VRK3: variants seen among roughly 807,000 people sequenced by gnomAD.
VRK3 encodes the protein VRK serine/threonine kinase 3.
VRK3 carries 50 observed loss-of-function variants against 60.4 expected under a neutral mutation model. That is an observed-to-expected ratio of 0.83 (90% CI 0.66 to 1.05). The LOEUF is 1.05. VRK3 is among the 50% of genes least tolerant of loss of function. VRK3 has a pLI of 0.00. For missense variants in VRK3, 549 were observed against 585.3 expected (o/e 0.94, Z 0.64); for synonymous variants, 246 against 227.8 (o/e 1.08, Z -0.72).
chr19:50,008,943 A>G, intron 4 of VRK3: 1 of 337,782 alleles, frequency 3.0e-6, no homozygotes, highest in Non-Finnish European at 5.5e-6. Flanking sequence ...CTAAAGCAGG[A>G]ACCAGGCCAC....
intron 2 of VRK3, among the ~76,000 whole-genome samples, chr19:50,018,763 T>C (rs570836756): frequency 6.6e-6 from 1 of 152,020 alleles, no homozygotes; most frequent in East Asian, 1.9e-4. Flanking sequence ...TCACTGCCTC[T>C]TCCCTCTCTG....
intron 9 of VRK3, among the ~76,000 whole-genome samples, chr19:49,994,266 C>T (rs745952): frequency 0.13 from 19,316 of 152,198 alleles, 1,399 homozygotes; most frequent in East Asian, 0.34. Context: ...CTATTGGCCC[C>T]TCCCACTAGA....
intron 12 of VRK3, among the ~76,000 whole-genome samples, chr19:49,982,754 C>T (rs1210142166): frequency 6.6e-6 from 1 of 152,148 alleles, no homozygotes; most frequent in Admixed American, 6.5e-5. Flanking sequence ...TATGTACATA[C>T]ACACACATAC....
intron 10 of VRK3, 56 bp from the exon 11 acceptor site, chr19:49,989,827 GAT>G: frequency 6.6e-7 from 1 of 1,516,520 alleles, no homozygotes; most frequent in Non-Finnish European, 8.9e-7. Flanking sequence ...AGAAGTCAGA[GAT>G]TTCCATCGTG....
chr19:50,003,283 T>C (rs2076839176), intron 5 of VRK3, among the ~76,000 whole-genome samples: 1 of 152,218 alleles, frequency 6.6e-6, no homozygotes, highest in Non-Finnish European at 1.5e-5. Flanking sequence ...CCAGTGATTT[T>C]GGACTTCTGG....
At chr19:49,979,686 C>T (rs538226156) in intron 13 of VRK3, among the ~76,000 whole-genome samples, 19 of 152,312 alleles carry the variant, frequency 1.2e-4, no homozygotes, top group African/African-American at 4.3e-4. Context: ...GCCCAAGGTT[C>T]ACAGAGGTAG....
chr19:50,007,954 T>A, intron 4 of VRK3, 128 bp from the exon 5 acceptor site: 1 of 1,347,620 alleles, frequency 7.4e-7, no homozygotes, highest in South Asian at 1.4e-5. Flanking sequence ...TCCTGGGACC[T>A]TCTATGAGTC....
intron 14 of VRK3, 42 bp downstream of exon 14, chr19:49,979,041 G>A: frequency 6.5e-7 from 1 of 1,548,262 alleles, no homozygotes; most frequent in Non-Finnish European, 8.7e-7. Flanking sequence ...GCTCGGGTGA[G>A]GGCAAGGGGT....
intron 5 of VRK3, among the ~76,000 whole-genome samples, chr19:50,005,121 C>A (rs1242139677): frequency 6.7e-6 from 1 of 149,092 alleles, no homozygotes; most frequent in Admixed American, 6.6e-5. Context: ...CATCTCCTAT[C>A]ATCATTTGAG....
chr19:49,997,778 A>G, intron 6 of VRK3: 1 of 527,752 alleles, frequency 1.9e-6, no homozygotes, highest in Non-Finnish European at 3.4e-6. Flanking sequence ...TCTTTCTCTT[A>G]TGGTAAGAGC....
Position 50,016,027 on chromosome 19 carries a change from G to GC in VRK3, c.135_136insG (p.Gln46AlafsTer12). On this transcript the variant is annotated frameshift_variant, in exon 3 of 15. Transcript: ENST00000316763. LOFTEE classifies it high-confidence loss of function. ...GGCTCAATGCTCTGGTTCTTACCTT[G>GC]GAAGGATGACACATGTGGATTGACA... is the stretch of plus-strand genomic sequence containing the variant. The GC allele has an allele frequency of 6.2e-6, 10 of 1,614,112 alleles. No homozygotes were observed. The highest frequency in any genetic ancestry group is 7.6e-6 in the Non-Finnish European group (9 of 1,180,014).
intron 12 of VRK3, among the ~76,000 whole-genome samples, chr19:49,984,056 G>A (rs2123030954): frequency 6.6e-6 from 1 of 152,294 alleles, no homozygotes; most frequent in Admixed American, 6.5e-5. Flanking sequence ...ATGTTGGCGA[G>A]TGCAGACCCT....
chr19:49,984,140 G>A (rs1401969389), intron 12 of VRK3, among the ~76,000 whole-genome samples: 2 of 152,190 alleles, frequency 1.3e-5, no homozygotes, highest in Non-Finnish European at 2.9e-5. Flanking sequence ...ACCGCTCTTA[G>A]GAGTTAGGAA....
At chr19:50,023,917 C>T (rs184193864) in intron 1 of VRK3, among the ~76,000 whole-genome samples, 1 of 152,236 alleles carries the variant, frequency 6.6e-6, no homozygotes, top group East Asian at 1.9e-4. Context: ...AATAATCTGC[C>T]TGGGTTTGGA....
Position 50,023,129 on chromosome 19 carries a change from T to A in VRK3, c.-65+2138A>T, listed in dbSNP as rs536559829. Among the ~76,000 whole-genome samples, 7 of 152,362 alleles carry A rather than the reference T, an allele frequency of 4.6e-5. No individual in the cohort carries two copies. The East Asian group carries it at 1.3e-3, about 29-fold the overall frequency. On this transcript the variant is annotated intron_variant, in intron 1 of 14. Coordinates refer to ENST00000316763, the MANE Select transcript of VRK3 (RefSeq NM_016440.4). ...TAACTTCCTCATCACATTCTTTAGC[T>A]CTCTGTTCAAATGTCACCTTCTCAG...
intron 8 of VRK3, 134 bp from the exon 9 acceptor site, chr19:49,995,053 A>G: frequency 7.9e-7 from 1 of 1,267,494 alleles, no homozygotes; most frequent in Non-Finnish European, 1.1e-6. Flanking sequence ...CTGGCTGGGC[A>G]GCAAACTAGG....
intron 12 of VRK3, chr19:49,981,692 GA>G: frequency 1.0e-6 from 1 of 997,578 alleles, no homozygotes; most frequent in Non-Finnish European, 1.2e-6. Flanking sequence ...TGATGATGAG[GA>G]AAGATCCAAG....
At position 49,995,241 on chromosome 19, in the gene VRK3, C is replaced by G. The variant is rs745731984; in HGVS notation, c.714G>C (p.Leu238=). 30 of 1,614,076 alleles carry G rather than the reference C, an allele frequency of 1.9e-5. 2 individuals are homozygous for G. The South Asian group carries it at 3.1e-4, about 17-fold the overall frequency. The part of the protein sequence containing the change: ...NKWKKLYSTP[L]LAIPTCMGFG... ...AACCCATGCAGGTAGGGATGGCCAG[C>G]AGTGGGGTCGAGTACAGCTTCTTCC... The change falls in exon 8 of 15, where the codon CTG becomes CTC. Residue 238 remains leucine (L), a synonymous_variant. Transcript: ENST00000316763.
At chr19:49,988,627 T>C in intron 11 of VRK3, 135 bp from the exon 12 acceptor site, 1 of 1,226,482 alleles carries the variant, frequency 8.2e-7, no homozygotes, top group Non-Finnish European at 1.1e-6. Flanking sequence ...CCATATGGGC[T>C]GTCTCCTCCG....
Sources: allele counts gnomAD v4.1 joint callset (sites outside exome capture counted in the v4.1 genomes callset), GRCh38; gene constraint gnomAD v4.1.1; transcripts MANE v1.5; gene names NCBI Gene and HGNC (gene_info 2026-07-23, HGNC 2026-07-21).